Variants in RC3H2 observed in about 807,000 individuals in gnomAD.
RC3H2 encodes the protein roquin-2.
RC3H2 carries 31 observed loss-of-function variants against 133.3 expected under a neutral mutation model. The ratio of observed to expected loss-of-function variants is 0.23; its 90% CI spans 0.17 to 0.31. The LOEUF is 0.31. Among genes scored for constraint, RC3H2 ranks in the 10% least tolerant of loss-of-function variants. RC3H2 has a pLI of 1.00. For missense variants in RC3H2, 1,175 were observed against 1,437.2 expected (o/e 0.82, Z 2.95); for synonymous variants, 517 against 502.2 (o/e 1.03, Z -0.40).
chr9:122,868,482 C>G (rs6478574), intron 9 of RC3H2, among the ~76,000 whole-genome samples: 144,773 of 148,706 alleles, frequency 0.97, 70,590 homozygotes, highest in East Asian at 1. Context: ...TGTGTCCACT[C>G]AGGGTTAAAT....
chr9:122,853,646 G>A (rs892721488), intron 18 of RC3H2: 7 of 536,836 alleles, frequency 1.3e-5, no homozygotes, highest in Non-Finnish European at 1.3e-5. Context: ...CAGCTACTCG[G>A]GAAGCTGAGG....
intron 20 of RC3H2, among the ~76,000 whole-genome samples, 167 bp from the exon 21 acceptor site, chr9:122,849,989 A>G (rs1037998494): frequency 4.6e-5 from 7 of 152,158 alleles, no homozygotes; most frequent in Non-Finnish European, 8.8e-5. Flanking sequence ...CTGTTTTCCT[A>G]TTTTTGAGAC....
chr9:122,849,286 A>G lies in RC3H2; in HGVS notation c.*341T>C, dbSNP rs1266737849. ...TGCTAGTTTAATAACTGAGTTGTTAATTTTCTATAGAAGCCATTTAAAATA... is the reference window on the plus strand; with the variant it reads ...TGCTAGTTTAATAACTGAGTTGTTAGTTTTCTATAGAAGCCATTTAAAATA... On this transcript the variant is annotated 3_prime_UTR_variant, in exon 21 of 21. Coordinates refer to ENST00000357244, the MANE Select transcript of RC3H2 (RefSeq NM_001100588.3). The G allele has an allele frequency of 6.6e-6, 1 of 152,154 alleles. No individual in the cohort carries two copies. Among genetic ancestry groups the G allele is most frequent in the African/African-American group, 2.4e-5 (1 of 41,436 alleles). The allele number at this position is 152,154 out of a possible 1,614,324, so 9.4% of individuals were successfully genotyped here.
chr9:122,853,658 A>G (rs1418204299), intron 18 of RC3H2: 2 of 590,096 alleles, frequency 3.4e-6, no homozygotes, highest in East Asian at 6.9e-5. Context: ...AAGCTGAGGC[A>G]GGAGAATCGC....
chr9:122,857,081 AG>A (rs1564285843), intron 13 of RC3H2, among the ~76,000 whole-genome samples: 1 of 152,202 alleles, frequency 6.6e-6, no homozygotes, highest in African/African-American at 2.4e-5. Flanking sequence ...AAAACAATCC[AG>A]GGGGAAGAGG....
intron 10 of RC3H2, among the ~76,000 whole-genome samples, chr9:122,863,384 T>C (rs1218654616): frequency 4.6e-5 from 7 of 152,240 alleles, no homozygotes; most frequent in Non-Finnish European, 1.0e-4. Flanking sequence ...CCAACCTATC[T>C]AACCTTATTT....
At chr9:122,874,970 G>GA (rs1831268193) in intron 9 of RC3H2, 1 of 501,212 alleles carries the variant, frequency 2.0e-6, no homozygotes, top group Non-Finnish European at 3.4e-6. Flanking sequence ...ATTGAGGGTG[G>GA]AATGGCAATG....
At chr9:122,875,110 G>C in intron 9 of RC3H2, 1 of 1,391,506 alleles carries the variant, frequency 7.2e-7, no homozygotes, top group Non-Finnish European at 9.4e-7. Flanking sequence ...ATCTTGATGT[G>C]AAATTCTGTA....
chr9:122,881,878 ACAT>A (rs1221549114), intron 5 of RC3H2, among the ~76,000 whole-genome samples: 2 of 152,240 alleles, frequency 1.3e-5, no homozygotes, highest in Non-Finnish European at 1.5e-5. Context: ...GCTTTAAAAA[ACAT>A]CACTTTGGTA....
chr9:122,901,576 C>T (rs79344833), intron 1 of RC3H2, among the ~76,000 whole-genome samples: 4,581 of 150,340 alleles, frequency 0.03, 213 homozygotes, highest in African/African-American at 0.11. Flanking sequence ...GATATAACTT[C>T]CAATGCATTC....
intron 9 of RC3H2, among the ~76,000 whole-genome samples, chr9:122,868,342 C>G (rs537830227): frequency 6.6e-6 from 1 of 152,146 alleles, no homozygotes; most frequent in South Asian, 2.1e-4. Flanking sequence ...GGATGGTTGC[C>G]GTGTCTGTGT....
chr9:122,866,311 A>G lies in RC3H2; in HGVS notation c.1326-654T>C, dbSNP rs1006328548. 2.0e-5 allele frequency among the ~76,000 whole-genome samples: 3 copies of G among 152,102 alleles called. No individual in the cohort carries two copies. The South Asian group carries it at 6.2e-4, about 32-fold the overall frequency. ...CATTGGATATAATACTCTAATACAC[A>G]AAAGGACTGGCAATTTGATTTTGGA... On this transcript the variant is annotated intron_variant, in intron 9 of 20. Coordinates refer to ENST00000357244, the MANE Select transcript of RC3H2 (RefSeq NM_001100588.3).
intron 20 of RC3H2, among the ~76,000 whole-genome samples, chr9:122,850,837 A>C (rs559429902): frequency 6.6e-6 from 1 of 152,294 alleles, no homozygotes; most frequent in Non-Finnish European, 1.5e-5. Context: ...CAGATTAAAG[A>C]AGCATAACCT....
intron 10 of RC3H2, among the ~76,000 whole-genome samples, chr9:122,864,080 C>A (rs1385181073): frequency 6.6e-6 from 1 of 152,196 alleles, no homozygotes; most frequent in Non-Finnish European, 1.5e-5. Flanking sequence ...CATGTGCTGA[C>A]TGCAGAAGTA....
chr9:122,888,008 G>C (rs931557286), intron 4 of RC3H2, among the ~76,000 whole-genome samples: 1 of 152,060 alleles, frequency 6.6e-6, no homozygotes, highest in Non-Finnish European at 1.5e-5. Flanking sequence ...GCCTCCCAAA[G>C]TGCTGGGATT....
At position 122,897,260 on chromosome 9, in the gene RC3H2, T is replaced by C; in HGVS notation, c.231+19A>G. 4 of 1,612,340 alleles carry C rather than the reference T, an allele frequency of 2.5e-6. No homozygotes were observed. Among genetic ancestry groups the C allele is most frequent in the Non-Finnish European group, 3.4e-6 (4 of 1,178,638 alleles). ...TGATTATTTTTGCACCAACCTATAG[T>C]AAAATCTTGAATGCTTACCTGGGCT... On this transcript the variant is annotated intron_variant, in intron 2 of 20. Coordinates refer to ENST00000357244, the MANE Select transcript of RC3H2 (RefSeq NM_001100588.3).
chr9:122,885,123 T>C (rs1445318890), intron 4 of RC3H2, among the ~76,000 whole-genome samples: 2 of 152,114 alleles, frequency 1.3e-5, no homozygotes, highest in Non-Finnish European at 2.9e-5. Flanking sequence ...TTTTAAAAAT[T>C]TAATGAATGT....
rs568291990 is a variant in RC3H2 at position 122,859,830 on chromosome 9, T to A, written c.1849+87A>T. On this transcript the variant is annotated intron_variant, in intron 11 of 20. Coordinates refer to ENST00000357244, the MANE Select transcript of RC3H2 (RefSeq NM_001100588.3). ...ACATAGTCAAAAGGATTAATTTTTT[T>A]AAATGTAGACATTCTAGAACTATTC... 38 of 1,132,464 alleles carry A rather than the reference T, an allele frequency of 3.4e-5. No individual in the cohort carries two copies. The Middle Eastern group carries it at 9.0e-4, about 27-fold the overall frequency. 70.2% of individuals were successfully genotyped at this position (1,132,464 alleles called of 1,614,324 possible). A position where few individuals can be genotyped will look rare whatever the true frequency, so the allele number is the denominator to read the frequency against.
intron 9 of RC3H2, chr9:122,875,140 G>C: frequency 6.6e-7 from 1 of 1,524,584 alleles, no homozygotes; most frequent in South Asian, 1.2e-5. Context: ...AGTTCGATTG[G>C]GTACAAACAG....
Sources: gnomAD v4.1 joint callset for allele counts (sites outside exome capture counted in the v4.1 genomes callset) on GRCh38, gnomAD v4.1.1 for gene constraint, MANE v1.5 for transcripts, NCBI Gene and HGNC (gene_info 2026-07-23, HGNC 2026-07-21) for gene names.